Variants in EFCAB6 observed in about 807,000 individuals in gnomAD.
EFCAB6 encodes the protein EF-hand calcium binding domain 6, also known as EF-hand calcium-binding domain-containing protein 6.
EFCAB6 carries 156 observed loss-of-function variants against 169.8 expected under a neutral mutation model. The ratio of observed to expected loss-of-function variants is 0.92; its 90% CI spans 0.81 to 1.05. The LOEUF (loss-of-function observed/expected upper bound fraction) is 1.05, where lower values mean the gene tolerates loss of function less well. Among genes scored for constraint, EFCAB6 ranks in the 50% least tolerant of loss-of-function variants. The pLI, the probability that EFCAB6 is intolerant of heterozygous loss-of-function variation, is 0.00. For synonymous variants in EFCAB6, 698 were observed against 676.4 expected, an observed-to-expected ratio of 1.03 and a Z score of -0.50; for missense variants, 1,800 against 1,829.1, an observed-to-expected ratio of 0.98 and a Z score of 0.29.
At chr22:43,563,053 G>A (rs988562575) in intron 26 of EFCAB6, among the ~76,000 whole-genome samples, 1 of 152,200 alleles carries the variant, frequency 6.6e-6, no homozygotes, top group African/African-American at 2.4e-5. Flanking sequence ...GCGGCACCAG[G>A]GCCAGACCTG....
At chr22:43,777,756 G>A (rs1313499337) in intron 3 of EFCAB6, among the ~76,000 whole-genome samples, 1 of 152,130 alleles carries the variant, frequency 6.6e-6, no homozygotes, top group Non-Finnish European at 1.5e-5. Flanking sequence ...ATCAATAATT[G>A]TAATTTAAAA....
chr22:43,617,889 G>A (rs1269473766), intron 20 of EFCAB6, among the ~76,000 whole-genome samples: 3 of 151,914 alleles, frequency 2.0e-5, no homozygotes, highest in Non-Finnish European at 4.4e-5. Context: ...AGATCACGAG[G>A]TCAGGAGTTT....
At chr22:43,575,076 G>A (rs865946954) in intron 26 of EFCAB6, among the ~76,000 whole-genome samples, 14 of 152,340 alleles carry the variant, frequency 9.2e-5, no homozygotes, top group African/African-American at 3.4e-4. Flanking sequence ...TGCTTGTAAT[G>A]AAGGAAACTG....
intron 26 of EFCAB6, among the ~76,000 whole-genome samples, chr22:43,568,873 A>G (rs1485290149): frequency 6.6e-6 from 1 of 152,202 alleles, no homozygotes; most frequent in African/African-American, 2.4e-5. Flanking sequence ...CAACAGGTTC[A>G]TGATAGCCTT....
At chr22:43,803,477 C>T (rs1384534761) in intron 2 of EFCAB6, among the ~76,000 whole-genome samples, 3 of 152,082 alleles carry the variant, frequency 2.0e-5, no homozygotes, top group African/African-American at 7.2e-5. Context: ...TGCCCATGTC[C>T]TGCTGAAATA....
intron 27 of EFCAB6, among the ~76,000 whole-genome samples, chr22:43,544,561 G>A (rs967677464): frequency 2.6e-5 from 4 of 152,190 alleles, no homozygotes; most frequent in African/African-American, 9.7e-5. Context: ...GCACCACAGT[G>A]CTGAGCTCTG....
chr22:43,567,921 C>A (rs994767076), intron 26 of EFCAB6, among the ~76,000 whole-genome samples: 4 of 152,338 alleles, frequency 2.6e-5, no homozygotes, highest in African/African-American at 9.6e-5. Context: ...CATGCTCCTC[C>A]GATTTCACCG....
At chr22:43,736,243 C>T (rs1247416234) in intron 6 of EFCAB6, among the ~76,000 whole-genome samples, 1 of 152,116 alleles carries the variant, frequency 6.6e-6, no homozygotes. Context: ...TCATGTAAAG[C>T]AGTAAGTCTC....
chr22:43,636,938 G>C (rs374179909), intron 17 of EFCAB6, among the ~76,000 whole-genome samples: 9 of 152,212 alleles, frequency 5.9e-5, no homozygotes, highest in Admixed American at 6.5e-5. Flanking sequence ...ACTGTGATGA[G>C]ATCTACTTTT....
At chr22:43,620,687 T>A (rs2147777910) in intron 20 of EFCAB6, among the ~76,000 whole-genome samples, 1 of 152,222 alleles carries the variant, frequency 6.6e-6, no homozygotes, top group African/African-American at 2.4e-5. Context: ...ACCTAGGAAA[T>A]TATAATACAC....
chr22:43,632,605 G>C (rs2147893124), intron 18 of EFCAB6, among the ~76,000 whole-genome samples: 1 of 152,142 alleles, frequency 6.6e-6, no homozygotes, highest in East Asian at 1.9e-4. Flanking sequence ...CGGCCCACTG[G>C]CTTCATTTCT....
At chr22:43,570,958 G>A (rs1049645163) in intron 26 of EFCAB6, among the ~76,000 whole-genome samples, 4 of 152,210 alleles carry the variant, frequency 2.6e-5, no homozygotes, top group African/African-American at 9.6e-5. Context: ...CCTGGGACCT[G>A]CACTTTAAGA....
chr22:43,687,745 G>A (rs2058259211), intron 10 of EFCAB6, among the ~76,000 whole-genome samples, 164 bp from the exon 11 acceptor site: 1 of 152,092 alleles, frequency 6.6e-6, no homozygotes, highest in Non-Finnish European at 1.5e-5. Context: ...ACTACAAATT[G>A]ATTTTTTAAA....
At chr22:43,650,527 G>C (rs578095523) in intron 17 of EFCAB6, among the ~76,000 whole-genome samples, 1 of 152,272 alleles carries the variant, frequency 6.6e-6, no homozygotes, top group East Asian at 1.9e-4. Flanking sequence ...TCAGCAGCAT[G>C]AAAATGATCT....
At chr22:43,682,193 T>C (rs1569376894) in intron 12 of EFCAB6, among the ~76,000 whole-genome samples, 2 of 152,156 alleles carry the variant, frequency 1.3e-5, no homozygotes. Flanking sequence ...CCATGCACTA[T>C]GTAACTGTAA....
At chr22:43,574,480 A>C (rs1314159981) in intron 26 of EFCAB6, among the ~76,000 whole-genome samples, 2 of 152,142 alleles carry the variant, frequency 1.3e-5, no homozygotes, top group Non-Finnish European at 2.9e-5. Context: ...GAGAAATCGC[A>C]GGTGAAGGGC....
chr22:43,727,420 C>A (rs529359859), intron 8 of EFCAB6, among the ~76,000 whole-genome samples: 229 of 151,998 alleles, frequency 1.5e-3, no homozygotes, highest in African/African-American at 5.4e-3. Flanking sequence ...ACAGCAAGAC[C>A]CTGTCTCAAA....
intron 17 of EFCAB6, among the ~76,000 whole-genome samples, chr22:43,666,684 C>T (rs1389922590): frequency 7.1e-6 from 1 of 140,772 alleles, no homozygotes; most frequent in Non-Finnish European, 1.5e-5. Context: ...TATTTCACTG[C>T]CAGATTGTTT....
chr22:43,640,529 T>C (rs1484057390), intron 17 of EFCAB6, among the ~76,000 whole-genome samples: 1 of 152,150 alleles, frequency 6.6e-6, no homozygotes, highest in Non-Finnish European at 1.5e-5. Flanking sequence ...ACTCTCTGGA[T>C]CTCTCCTTTT....
Sources: allele counts gnomAD v4.1 joint callset (sites outside exome capture counted in the v4.1 genomes callset), GRCh38; gene constraint gnomAD v4.1.1; transcripts MANE v1.5; gene names NCBI Gene and HGNC (gene_info 2026-07-23, HGNC 2026-07-21).